Variants in DENND5B observed in about 807,000 individuals in gnomAD.
DENND5B encodes DENN domain-containing protein 5B.
DENND5B carries 34 observed loss-of-function variants against 140.6 expected under a neutral mutation model. That is an observed-to-expected ratio of 0.24 (90% CI 0.18 to 0.32). The LOEUF is 0.32. Among genes scored for constraint, DENND5B ranks in the 10% least tolerant of loss-of-function variants. DENND5B has a pLI of 1.00. For missense variants in DENND5B, 1,142 were observed against 1,560.2 expected (o/e 0.73, Z 4.52); for synonymous variants, 551 against 562.1 (o/e 0.98, Z 0.28).
intron 12 of DENND5B, among the ~76,000 whole-genome samples, chr12:31,414,455 T>G (rs886416544): frequency 2.0e-5 from 3 of 152,194 alleles, no homozygotes; most frequent in African/African-American, 7.2e-5. Flanking sequence ...ATTTGCAGAA[T>G]TTTTCTTCTG....
chr12:31,422,705 T>G (rs985238420), intron 11 of DENND5B, among the ~76,000 whole-genome samples: 17 of 152,206 alleles, frequency 1.1e-4, no homozygotes, highest in Non-Finnish European at 5.9e-5. Flanking sequence ...CCATAGTTAC[T>G]TCTACTTTTT....
In DENND5B at chr12:31,479,580, A is replaced by G; in HGVS notation, c.904+9T>C. On this transcript the variant is annotated intron_variant, in intron 3 of 20. Transcript: ENST00000389082. Reference sequence around the variant, plus strand: ...TTTTTGGAAAATGTAAAATCCAAGGAAAACCTACCTTGTGAGTAGAGAAGG... The same window carrying G: ...TTTTTGGAAAATGTAAAATCCAAGGGAAACCTACCTTGTGAGTAGAGAAGG... The G allele has an allele frequency of 6.8e-7, 1 of 1,475,278 alleles. No homozygotes were observed. Among genetic ancestry groups the G allele is most frequent in the Non-Finnish European group, 9.0e-7 (1 of 1,113,250 alleles). The allele number at this position is 1,475,278 out of a possible 1,614,324, so 91.4% of individuals were successfully genotyped here.
At chr12:31,523,306 G>A (rs1024227199) in intron 1 of DENND5B, among the ~76,000 whole-genome samples, 1 of 152,012 alleles carries the variant, frequency 6.6e-6, no homozygotes, top group Non-Finnish European at 1.5e-5. Context: ...CAAGTGATCC[G>A]CCTGCCTTGG....
Position 31,387,779 on chromosome 12 carries a change from G to A in DENND5B, c.3649C>T (p.Leu1217=), listed in dbSNP as rs1335626130. 1 of 1,613,412 alleles carries A rather than the reference G, an allele frequency of 6.2e-7. No homozygotes were observed. The highest frequency in any genetic ancestry group is 1.1e-5 in the South Asian group (1 of 90,994). The change falls in exon 21 of 21, where the codon CTG becomes TTG. Residue 1217 remains leucine (L), a synonymous_variant. Coordinates refer to ENST00000389082, the MANE Select transcript of DENND5B (RefSeq NM_144973.4). ...AACAATGGAATCCACTGTGGGAGCA[G>A]GCGATCCCTACAGACCCAAACAGAA... ...ILVCLGTRDR[L]LPQWIPLLAE... is the part of the protein sequence containing the mutation.
At chr12:31,465,121 G>A (rs1286565903) in intron 3 of DENND5B, 3 of 152,288 alleles carry the variant, frequency 2.0e-5, no homozygotes, top group African/African-American at 4.8e-5. Context: ...CTGCCATGCT[G>A]TCCACCAGCA....
intron 1 of DENND5B, among the ~76,000 whole-genome samples, chr12:31,526,711 T>C (rs1948096846): frequency 6.6e-6 from 1 of 152,200 alleles, no homozygotes; most frequent in African/African-American, 2.4e-5. Flanking sequence ...AAATGAAGCC[T>C]GGAGTTTAGT....
chr12:31,434,115 G>A (rs188692332), intron 7 of DENND5B, among the ~76,000 whole-genome samples: 1 of 152,280 alleles, frequency 6.6e-6, no homozygotes, highest in Non-Finnish European at 1.5e-5. Context: ...TTTCTGAAGT[G>A]ATAGCTTGTG....
In DENND5B at chr12:31,562,579, G is replaced by A. The variant is rs188253332; in HGVS notation, c.127+28127C>T. ...CGGTGAGCCGAGATCGCACCATTGC[G>A]CGCCAGCCTGGGCAACAAAGGCGAA... On this transcript the variant is annotated intron_variant, in intron 1 of 20. Coordinates refer to ENST00000389082, the MANE Select transcript of DENND5B (RefSeq NM_144973.4). 9.9e-5 allele frequency among the ~76,000 whole-genome samples: 15 copies of A among 151,880 alleles called. No homozygotes were observed. The East Asian group carries it at 2.9e-3, about 29-fold the overall frequency.
intron 4 of DENND5B, among the ~76,000 whole-genome samples, chr12:31,457,374 GTTATA>G (rs1397069896): frequency 3.9e-5 from 6 of 152,148 alleles, no homozygotes; most frequent in African/African-American, 9.7e-5. Context: ...AATCTATGTA[GTTATA>G]TTAGTTAGCT....
intron 7 of DENND5B, among the ~76,000 whole-genome samples, chr12:31,436,944 TAG>T (rs1331637891): frequency 6.6e-6 from 1 of 151,994 alleles, no homozygotes; most frequent in Non-Finnish European, 1.5e-5. Flanking sequence ...TCAGATAGAT[TAG>T]AGGCCACTGC....
chr12:31,435,181 C>A (rs762622479), intron 7 of DENND5B, among the ~76,000 whole-genome samples: 1 of 152,080 alleles, frequency 6.6e-6, no homozygotes, highest in African/African-American at 2.4e-5. Context: ...TCTCTCACGA[C>A]TACCCATGAA....
chr12:31,500,506 C>T (rs1946961667), intron 1 of DENND5B: 1 of 375,316 alleles, frequency 2.7e-6, no homozygotes, highest in Non-Finnish European at 5.1e-6. Context: ...ATGGTGAAAC[C>T]TCATCTCTAC....
intron 1 of DENND5B, among the ~76,000 whole-genome samples, chr12:31,574,437 A>T (rs535070886): frequency 8.5e-4 from 129 of 151,854 alleles, no homozygotes; most frequent in Non-Finnish European, 1.6e-3. Flanking sequence ...TAAAAATACA[A>T]AAGTTAGCTG....
rs71460995 is a variant in DENND5B, at chr12:31,587,526, C to CTTTTTTTTTTTTT, written c.127+3167_127+3179dup. ...CAACAACTTCTCTCACCACAAATACCTTTTTTTTTTTTTTTTTTTTTTTTT... is the reference window on the plus strand; with the variant it reads ...CAACAACTTCTCTCACCACAAATACCTTTTTTTTTTTTTTTTTTTTTTTTTTTTTTTTTTTTTT... On this transcript the variant is annotated intron_variant, in intron 1 of 20. Coordinates refer to ENST00000389082, the MANE Select transcript of DENND5B (RefSeq NM_144973.4). Among the ~76,000 whole-genome samples, 4 of 75,038 alleles carry CTTTTTTTTTTTTT rather than the reference C, an allele frequency of 5.3e-5. 1 individual carries two copies. Among genetic ancestry groups the CTTTTTTTTTTTTT allele is most frequent in the Non-Finnish European group, 7.8e-5 (3 of 38,244 alleles). The allele number at this position is 75,038 out of a possible 152,430, so 49.2% of individuals were successfully genotyped here. A position where few individuals can be genotyped will look rare whatever the true frequency, so the allele number is the denominator to read the frequency against.
chr12:31,491,621 T>C (rs536695488), intron 2 of DENND5B, among the ~76,000 whole-genome samples: 1 of 152,294 alleles, frequency 6.6e-6, no homozygotes, highest in Admixed American at 6.5e-5. Context: ...CATATGTTAG[T>C]TCTAGGTGAT....
intron 8 of DENND5B, among the ~76,000 whole-genome samples, chr12:31,428,255 T>C (rs1157728478): frequency 2.0e-5 from 3 of 150,058 alleles, no homozygotes; most frequent in East Asian, 2.0e-4. Context: ...GGCAGGAGAA[T>C]TGCTTGAACC....
chr12:31,429,996 C>T (rs573143463), intron 8 of DENND5B, among the ~76,000 whole-genome samples: 18 of 150,976 alleles, frequency 1.2e-4, no homozygotes, highest in Admixed American at 3.3e-4. Context: ...TGTGAGCCAC[C>T]GCCCAGCCTG....
chr12:31,494,246 C>G (rs1006935314), intron 2 of DENND5B, among the ~76,000 whole-genome samples: 1 of 147,596 alleles, frequency 6.8e-6, no homozygotes, highest in African/African-American at 2.5e-5. Flanking sequence ...ACCTACCTAC[C>G]TACCTACCTA....
At position 31,452,156 on chromosome 12, in the gene DENND5B, C is replaced by T. The variant is rs1944562342; in HGVS notation, c.1413G>A (p.Met471Ile). The T allele has an allele frequency of 6.2e-7, 1 of 1,613,954 alleles. No homozygotes were observed. Among genetic ancestry groups the T allele is most frequent in the Non-Finnish European group, 8.5e-7 (1 of 1,179,884 alleles). Residue 471 changes from methionine (M) to isoleucine (I), a missense_variant, in exon 5 of 21, where the codon ATG becomes ATA. By Grantham distance (10) the Met-to-Ile change is conservative (BLOSUM62 1). Transcript: ENST00000389082. ...AKRTGVAVEK[M>I]DLSASLGEKD... ...TTTCACCCAGAGAAGCAGAGAGGTC[C>T]ATTTTTTCCACAGCCACACCAGTAC... is the stretch of plus-strand genomic sequence containing the variant.
Sources: allele counts gnomAD v4.1 joint callset (sites outside exome capture counted in the v4.1 genomes callset), GRCh38; gene constraint gnomAD v4.1.1; transcripts MANE v1.5; gene names NCBI Gene and HGNC (gene_info 2026-07-23, HGNC 2026-07-21).